The following FHIT variants were observed in gnomAD, a reference collection of about 807,000 sequenced individuals.
FHIT encodes the protein bis(5'-adenosyl)-triphosphatase.
Under a neutral mutation model 17.9 loss-of-function variants are expected in FHIT, and 19 were observed. The observed-to-expected ratio is 1.06, with a 90% CI of 0.74 to 1.56. The LOEUF is 1.56. Ranked by LOEUF, FHIT falls within the 40% of genes most tolerant of loss-of-function variation. The pLI, the probability that FHIT is intolerant of heterozygous loss-of-function variation, is 0.00. For synonymous variants in FHIT, 81 were observed against 69.7 expected, an observed-to-expected ratio of 1.16 and a Z score of -0.81; for missense variants, 248 against 189.2, an observed-to-expected ratio of 1.31 and a Z score of -1.82.
chr3:60,047,766 A>T (rs1701710433), intron 5 of FHIT, among the ~76,000 whole-genome samples: 1 of 152,212 alleles, frequency 6.6e-6, no homozygotes, highest in Admixed American at 6.5e-5. Context: ...CACTTCATGG[A>T]CCACTCAGTG....
chr3:60,722,133 T>C (rs2041821271), intron 4 of FHIT, among the ~76,000 whole-genome samples: 2 of 152,172 alleles, frequency 1.3e-5, no homozygotes. Flanking sequence ...GTGATGAAAA[T>C]ATGAAGGCTG....
chr3:60,014,024 G>T lies in FHIT; in HGVS notation c.232C>A (p.Leu78Ile), dbSNP rs1256612972. The T allele has an allele frequency of 1.2e-6, 2 of 1,613,874 alleles. No homozygotes were observed. Among genetic ancestry groups the T allele is most frequent in the Admixed American group, 3.3e-5 (2 of 60,002 alleles). Residue 78 changes from leucine (L) to isoleucine (I), a missense_variant, in exon 6 of 10, where the codon CTC (leucine) becomes ATC (isoleucine). Physicochemically the swap from Leu to Ile is conservative, Grantham distance 5 (BLOSUM62 2). Transcript: ENST00000492590. ...ACACTCACCTGCATGGAAAAGGTGA[G>T]AGAGGTCCCATGGAAATGTTTTTCC... ...VVEKHFHGTS[L>I]TFSMQDGPEA...
chr3:61,218,823 G>C (rs1011063564), intron 1 of FHIT, among the ~76,000 whole-genome samples: 2 of 152,128 alleles, frequency 1.3e-5, no homozygotes, highest in Non-Finnish European at 2.9e-5. Context: ...TCTATAAAAT[G>C]TATGGCCTTT....
intron 5 of FHIT, among the ~76,000 whole-genome samples, chr3:60,388,502 C>A (rs1190664159): frequency 6.6e-6 from 1 of 152,066 alleles, no homozygotes; most frequent in African/African-American, 2.4e-5. Context: ...ACTCAGGAGA[C>A]TGAGGTGACA....
chr3:60,520,964 G>GA (rs1291196309), intron 5 of FHIT, among the ~76,000 whole-genome samples: 6 of 149,168 alleles, frequency 4.0e-5, no homozygotes, highest in African/African-American at 7.4e-5. Context: ...TCATAGAAGA[G>GA]AAAAAAAAAG....
At chr3:60,182,011 A>T (rs1701961120) in intron 5 of FHIT, among the ~76,000 whole-genome samples, 1 of 152,200 alleles carries the variant, frequency 6.6e-6, no homozygotes, top group Admixed American at 6.5e-5. Context: ...ACTTTTAATT[A>T]TATGCTAAGT....
chr3:59,790,169 G>T (rs1036391172), intron 8 of FHIT, among the ~76,000 whole-genome samples: 4 of 152,136 alleles, frequency 2.6e-5, no homozygotes, highest in African/African-American at 7.2e-5. Context: ...ACTGTAAATT[G>T]TTCAATAATA....
intron 4 of FHIT, among the ~76,000 whole-genome samples, chr3:60,642,844 T>G (rs1174081505): frequency 6.6e-6 from 1 of 152,172 alleles, no homozygotes; most frequent in Non-Finnish European, 1.5e-5. Flanking sequence ...CTTTCCTCCC[T>G]TCCTTCACTT....
intron 7 of FHIT, among the ~76,000 whole-genome samples, chr3:59,929,688 G>GT (rs1254577579): frequency 6.6e-6 from 1 of 152,048 alleles, no homozygotes; most frequent in East Asian, 1.9e-4. Flanking sequence ...CAAATGTAAT[G>GT]TAACAATAAG....
intron 4 of FHIT, among the ~76,000 whole-genome samples, chr3:60,812,754 G>C (rs892599182): frequency 2.6e-5 from 4 of 152,084 alleles, no homozygotes; most frequent in Non-Finnish European, 2.9e-5. Context: ...TAACAAAAAT[G>C]AGTCAGTGGT....
chr3:60,871,100 T>C (rs1283356134), intron 3 of FHIT, among the ~76,000 whole-genome samples: 1 of 152,188 alleles, frequency 6.6e-6, no homozygotes, highest in Non-Finnish European at 1.5e-5. Context: ...CTGTGGTTCT[T>C]GCCTTTCTGT....
At chr3:60,705,111 G>A (rs2041341013) in intron 4 of FHIT, among the ~76,000 whole-genome samples, 1 of 149,914 alleles carries the variant, frequency 6.7e-6, no homozygotes, top group Non-Finnish European at 1.5e-5. Flanking sequence ...GTAAACATAG[G>A]AGAAACCACA....
At chr3:61,220,920 C>G (rs909016968) in intron 1 of FHIT, among the ~76,000 whole-genome samples, 6 of 152,176 alleles carry the variant, frequency 3.9e-5, no homozygotes, top group African/African-American at 1.4e-4. Context: ...CACGACATGC[C>G]CTTGCCACAT....
At chr3:59,981,683 T>C (rs1168867926) in intron 7 of FHIT, among the ~76,000 whole-genome samples, 1 of 152,086 alleles carries the variant, frequency 6.6e-6, no homozygotes, top group African/African-American at 2.4e-5. Flanking sequence ...TAATTAACAG[T>C]TCTTATGGAG....
intron 5 of FHIT, among the ~76,000 whole-genome samples, chr3:60,129,403 T>C (rs888781025): frequency 3.3e-5 from 5 of 152,200 alleles, no homozygotes; most frequent in African/African-American, 1.2e-4. Context: ...CTACAAAGAA[T>C]TTCCTCTGAA....
intron 4 of FHIT, among the ~76,000 whole-genome samples, chr3:60,606,018 G>A (rs945064124): frequency 2.6e-5 from 4 of 151,996 alleles, no homozygotes; most frequent in Non-Finnish European, 4.4e-5. Flanking sequence ...ATGTTATCTC[G>A]CCCAAGTCTG....
chr3:61,167,118 G>C (rs2107117705), intron 2 of FHIT: 1 of 152,238 alleles, frequency 6.6e-6, no homozygotes, highest in East Asian at 1.9e-4. Context: ...GGAAATATGA[G>C]TTGACAGAAT....
At chr3:61,003,614 T>A (rs1041708150) in intron 3 of FHIT, among the ~76,000 whole-genome samples, 1 of 152,250 alleles carries the variant, frequency 6.6e-6, no homozygotes, top group Admixed American at 6.5e-5. Flanking sequence ...AAAACACGAT[T>A]ACCAGGGTAT....
intron 5 of FHIT, among the ~76,000 whole-genome samples, chr3:60,516,584 C>T (rs2035168070): frequency 6.6e-6 from 1 of 152,092 alleles, no homozygotes; most frequent in Admixed American, 6.5e-5. Context: ...TGGTCTAGAT[C>T]GATTTAGCTC....
Sources: gnomAD v4.1 joint callset for allele counts (sites outside exome capture counted in the v4.1 genomes callset) on GRCh38, gnomAD v4.1.1 for gene constraint, MANE v1.5 for transcripts, NCBI Gene and HGNC (gene_info 2026-07-23, HGNC 2026-07-21) for gene names.